SLC38A12: variants seen among roughly 807,000 people sequenced by gnomAD.
SLC38A12 encodes the protein solute carrier family 38 member 12, also known as putative sodium-coupled neutral amino acid transporter 12.
chr17:74,798,751 C>T, the SLC38A12 span, among the ~76,000 whole-genome samples: 1 of 151,554 alleles, frequency 6.6e-6, no homozygotes, highest in African/African-American at 2.4e-5. Flanking sequence ...CCCACCCACC[C>T]ATCCCTCCTG....
the SLC38A12 span, chr17:74,795,428 G>A: frequency 3.4e-5 from 36 of 1,057,326 alleles, no homozygotes; most frequent in African/African-American, 5.6e-4. Flanking sequence ...TCTGATTGTT[G>A]GCGCTCAGGC....
chr17:74,806,566 T>C, the SLC38A12 span, among the ~76,000 whole-genome samples: 5 of 152,090 alleles, frequency 3.3e-5, no homozygotes, highest in African/African-American at 1.2e-4. Flanking sequence ...GAAAAGAGGT[T>C]TTCATGCTCT....
At chr17:74,777,218 C>G in the SLC38A12 span, 2 of 1,253,682 alleles carry the variant, frequency 1.6e-6, no homozygotes, top group South Asian at 1.2e-5. Flanking sequence ...CCTCCCACCC[C>G]TGTCTCAGTC....
chr17:74,789,543 CAAAAAA>C, the SLC38A12 span, among the ~76,000 whole-genome samples: 1 of 110,724 alleles, frequency 9.0e-6, no homozygotes. Context: ...GCAAGCATTT[CAAAAAA>C]AAAAAAAAAA....
chr17:74,796,467 C>T, the SLC38A12 span, among the ~76,000 whole-genome samples: 2 of 152,222 alleles, frequency 1.3e-5, no homozygotes, highest in African/African-American at 4.8e-5. Context: ...CTCCCGGCTT[C>T]ATTATCCCTA....
At chr17:74,836,616 G>C in the SLC38A12 span, 2 of 1,613,186 alleles carry the variant, frequency 1.2e-6, no homozygotes, top group South Asian at 1.1e-5. The surrounding 1 kb of genome is among the most constrained non-coding windows in gnomAD (Gnocchi z 4.2). Context: ...GGTGGGCTTC[G>C]TGCTGCTCTG....
the SLC38A12 span, chr17:74,836,959 C>T: frequency 7.9e-7 from 1 of 1,270,214 alleles, no homozygotes; most frequent in Non-Finnish European, 9.9e-7. The surrounding 1 kb of genome is among the most constrained non-coding windows in gnomAD (Gnocchi z 4.2). Flanking sequence ...TTACTGGAAT[C>T]ACACCTCTCC....
the SLC38A12 span, among the ~76,000 whole-genome samples, chr17:74,829,263 A>G: frequency 1.3e-5 from 2 of 152,132 alleles, no homozygotes; most frequent in African/African-American, 2.4e-5. This position sits in a 1 kb window ranked among gnomAD's most constrained non-coding sequence, Gnocchi z 4.1. Flanking sequence ...AGCTGGGACT[A>G]CAGGCGCCCG....
the SLC38A12 span, among the ~76,000 whole-genome samples, chr17:74,813,722 A>G: frequency 1.3e-5 from 2 of 151,896 alleles, no homozygotes; most frequent in Middle Eastern, 3.5e-3. Context: ...GCTAGTCTTG[A>G]ACTCCTGACC....
chr17:74,790,296 C>T, the SLC38A12 span: 2 of 1,613,712 alleles, frequency 1.2e-6, no homozygotes, highest in South Asian at 1.1e-5. Flanking sequence ...CCTGTCTGTG[C>T]GTAAGTCTTG....
chr17:74,784,849 T>C, the SLC38A12 span, among the ~76,000 whole-genome samples: 1 of 152,010 alleles, frequency 6.6e-6, no homozygotes, highest in Admixed American at 6.5e-5. Flanking sequence ...GGTGATAAAA[T>C]GGAATTAGCT....
the SLC38A12 span, among the ~76,000 whole-genome samples, chr17:74,808,266 A>G: frequency 2.6e-5 from 4 of 152,264 alleles, no homozygotes; most frequent in East Asian, 1.9e-4. Flanking sequence ...TTCCATCAGG[A>G]TGTAAGCAAA....
At chr17:74,785,519 C>T in the SLC38A12 span, 5 of 1,614,154 alleles carry the variant, frequency 3.1e-6, no homozygotes, top group Admixed American at 3.3e-5. Context: ...ATCGTGGGCA[C>T]GGGCGCACTC....
the SLC38A12 span, chr17:74,836,285 C>T: frequency 1.2e-6 from 2 of 1,612,222 alleles, no homozygotes; most frequent in Admixed American, 1.7e-5. This position sits in a 1 kb window ranked among gnomAD's most constrained non-coding sequence, Gnocchi z 4.2. Flanking sequence ...TCCCCGTCTT[C>T]ACCATCAGCA....
chr17:74,817,743 T>C, the SLC38A12 span, among the ~76,000 whole-genome samples: 1 of 152,146 alleles, frequency 6.6e-6, no homozygotes, highest in African/African-American at 2.4e-5. Context: ...GAGCATTCCC[T>C]GCCTGCCCCT....
At chr17:74,839,056 A>G in the SLC38A12 span, 4 of 1,535,620 alleles carry the variant, frequency 2.6e-6, no homozygotes, top group South Asian at 3.6e-5. Context: ...AGGTGGGAGT[A>G]AACTTTCTTT....
chr17:74,801,689 C>A, the SLC38A12 span, among the ~76,000 whole-genome samples: 1 of 152,216 alleles, frequency 6.6e-6, no homozygotes, highest in African/African-American at 2.4e-5. Context: ...ACTCTAACTT[C>A]AGACAGCGAC....
At chr17:74,826,886 G>A in the SLC38A12 span, among the ~76,000 whole-genome samples, 18 of 152,174 alleles carry the variant, frequency 1.2e-4, no homozygotes, top group South Asian at 2.1e-4. Flanking sequence ...AGGCGGGGGC[G>A]TAAGAGGAGG....
chr17:74,785,124 C>T, the SLC38A12 span, among the ~76,000 whole-genome samples: 1 of 152,124 alleles, frequency 6.6e-6, no homozygotes, highest in East Asian at 1.9e-4. Context: ...ACCTTTGTGC[C>T]AGGTACCCCG....
Sources: gnomAD v4.1 joint callset for allele counts (sites outside exome capture counted in the v4.1 genomes callset) on GRCh38, gnomAD v4.1.1 for gene constraint, Gnocchi (gnomAD v3.1) non-coding constraint, MANE v1.5 for transcripts, NCBI Gene and HGNC (gene_info 2026-07-23, HGNC 2026-07-21) for gene names.